ARHGAP17: variants seen among roughly 807,000 people sequenced by gnomAD.
ARHGAP17 encodes Rho GTPase activating protein 17.
In ARHGAP17, 57 loss-of-function variants were observed where a neutral mutation model predicts 99.5. The observed-to-expected ratio is 0.57, with a 90% CI of 0.46 to 0.71. ARHGAP17 has a LOEUF of 0.71. Among genes scored for constraint, ARHGAP17 ranks in the 30% least tolerant of loss-of-function variants. ARHGAP17 has a pLI of 0.00. For missense variants in ARHGAP17, 1,000 were observed against 1,122.4 expected (o/e 0.89, Z 1.56); for synonymous variants, 417 against 429.6 (o/e 0.97, Z 0.36).
intron 18 of ARHGAP17, among the ~76,000 whole-genome samples, chr16:24,933,747 G>C (rs1435091001): frequency 6.6e-6 from 1 of 152,114 alleles, no homozygotes; most frequent in Non-Finnish European, 1.5e-5. Flanking sequence ...CAAAGTGTCA[G>C]GGGGAGGGGG....
intron 18 of ARHGAP17, among the ~76,000 whole-genome samples, chr16:24,934,088 G>A (rs2051069709): frequency 6.6e-6 from 1 of 152,184 alleles, no homozygotes; most frequent in Non-Finnish European, 1.5e-5. Context: ...ATGATTTGTA[G>A]AAATTCCACT....
At position 24,996,115 on chromosome 16, in the gene ARHGAP17, G is replaced by T. The variant is rs190317615; in HGVS notation, c.54-17110C>A. ...ACATTTCAGTGAATTTTATTTTTTT[G>T]GGGGGGGAGGGAAATAAATATGTCT... On this transcript the variant is annotated intron_variant, in intron 1 of 19. Transcript: ENST00000289968. Among the ~76,000 whole-genome samples, 854 of 151,374 alleles carry T rather than the reference G, an allele frequency of 5.6e-3. 9 individuals carry two copies. Among genetic ancestry groups the T allele is most frequent in the African/African-American group, 0.019 (792 of 41,208 alleles).
chr16:24,958,946 A>C (rs2051894528), intron 9 of ARHGAP17, among the ~76,000 whole-genome samples: 1 of 152,140 alleles, frequency 6.6e-6, no homozygotes. Flanking sequence ...AGCTGTGCTC[A>C]TCTCTGCTGG....
At chr16:24,969,657 T>C (rs985382943) in intron 4 of ARHGAP17, among the ~76,000 whole-genome samples, 7 of 152,232 alleles carry the variant, frequency 4.6e-5, no homozygotes, top group Non-Finnish European at 8.8e-5. Context: ...TAGCACGCAG[T>C]ATCACTCTGG....
chr16:24,958,172 T>C (rs1271486328), intron 9 of ARHGAP17, among the ~76,000 whole-genome samples: 3 of 152,116 alleles, frequency 2.0e-5, no homozygotes. Context: ...GAAAATACCC[T>C]TGGGAAAAAA....
intron 1 of ARHGAP17, among the ~76,000 whole-genome samples, chr16:24,979,535 C>A (rs2052613525): frequency 6.6e-6 from 1 of 152,124 alleles, no homozygotes; most frequent in Non-Finnish European, 1.5e-5. Flanking sequence ...AATTTCCTCT[C>A]CATCCTTACT....
rs113259507 is a variant in ARHGAP17 at position 24,957,689 on chromosome 16, G to T, written c.724+1982C>A. 7.9e-5 allele frequency among the ~76,000 whole-genome samples: 12 copies of T among 152,294 alleles called. No individual in the cohort carries two copies. The East Asian group carries it at 9.6e-4, about 12-fold the overall frequency. The stretch of plus-strand genomic sequence containing the variant: ...TTTTTCCTAAACAGCAGAGGGATTG[G>T]GGGTAGACACAAGAGTGCAAAGGAT... On this transcript the variant is annotated intron_variant, in intron 9 of 19. Transcript: ENST00000289968.
intron 14 of ARHGAP17, among the ~76,000 whole-genome samples, chr16:24,944,606 A>T (rs2051414372): frequency 6.6e-6 from 1 of 151,762 alleles, no homozygotes; most frequent in East Asian, 1.9e-4. Flanking sequence ...TGTGCCTTTT[A>T]TTTTTTATTT....
At chr16:24,928,216 G>A (rs1284093396) in intron 19 of ARHGAP17, among the ~76,000 whole-genome samples, 1 of 152,172 alleles carries the variant, frequency 6.6e-6, no homozygotes, top group Non-Finnish European at 1.5e-5. Flanking sequence ...AATTCTAAAT[G>A]TTGGCCTTCT....
chr16:25,005,557 A>G (rs1285645666), intron 1 of ARHGAP17, among the ~76,000 whole-genome samples: 1 of 152,226 alleles, frequency 6.6e-6, no homozygotes, highest in Admixed American at 6.5e-5. Flanking sequence ...CTCTGTCTCC[A>G]CATTCAAGTC....
At chr16:24,954,836 G>A in intron 9 of ARHGAP17, 106 bp from the exon 10 acceptor site, 9 of 1,474,036 alleles carry the variant, frequency 6.1e-6, no homozygotes, top group Non-Finnish European at 8.3e-6. Context: ...TGGTAGGTGA[G>A]GCTGTGCAAG....
intron 19 of ARHGAP17, among the ~76,000 whole-genome samples, chr16:24,926,506 C>G (rs1414224881): frequency 6.6e-6 from 1 of 152,212 alleles, no homozygotes; most frequent in Non-Finnish European, 1.5e-5. Context: ...AAGTGATCCA[C>G]CCGCCTCAGC....
intron 1 of ARHGAP17, among the ~76,000 whole-genome samples, chr16:24,990,531 A>C (rs1244319316): frequency 6.6e-6 from 1 of 151,970 alleles, no homozygotes; most frequent in Non-Finnish European, 1.5e-5. Context: ...GGTGGTGAGC[A>C]CTTGTAGTCC....
rs1314664652 is a variant in ARHGAP17, at chr16:24,920,135, G to A, written c.2641C>T (p.Leu881=). 1.9e-6 allele frequency: 3 copies of A among 1,613,758 alleles called. No homozygotes were observed. Among genetic ancestry groups the A allele is most frequent in the African/African-American group, 2.7e-5 (2 of 74,940 alleles). The change falls in exon 20 of 20, where the codon CTG becomes TTG. Residue 881 remains leucine (L), a synonymous_variant. Transcript: ENST00000289968. ...GGGCTGGGAAAGGGCTTTCTTCACAGGGCAGTGCTCTCGGTATCATTGTCT... is the reference window on the plus strand; with the variant it reads ...GGGCTGGGAAAGGGCTTTCTTCACAAGGCAGTGCTCTCGGTATCATTGTCT... The part of the protein sequence containing the change: ...DIDNDTESTA[L]
intron 13 of ARHGAP17, 110 bp downstream of exon 13, chr16:24,949,292 TTG>T: frequency 4.1e-6 from 3 of 733,448 alleles, no homozygotes; most frequent in African/African-American, 1.8e-5. Flanking sequence ...GTGGTTTTTT[TTG>T]TTGTTGTTGT....
At chr16:24,927,719 G>A in intron 19 of ARHGAP17, 1 of 1,216,152 alleles carries the variant, frequency 8.2e-7, no homozygotes, top group Non-Finnish European at 1.1e-6. Flanking sequence ...TACTGAATAT[G>A]GCAGGTCATA....
intron 1 of ARHGAP17, 103 bp downstream of exon 1, chr16:25,015,106 C>G: frequency 2.7e-6 from 3 of 1,110,264 alleles, no homozygotes; most frequent in Non-Finnish European, 3.3e-6. Flanking sequence ...GGGCTGCGGC[C>G]CAGCTCAGAG....
At chr16:24,969,675 A>C (rs1016333183) in intron 4 of ARHGAP17, among the ~76,000 whole-genome samples, 8 of 152,220 alleles carry the variant, frequency 5.3e-5, no homozygotes, top group African/African-American at 1.9e-4. Flanking sequence ...TGGTGTGATG[A>C]GGATGGCCAT....
chr16:24,943,956 TA>T, intron 14 of ARHGAP17, 94 bp from the exon 15 acceptor site: 2 of 1,134,766 alleles, frequency 1.8e-6, no homozygotes, highest in Non-Finnish European at 1.3e-6. Context: ...TTTTAAAGGA[TA>T]AAATATTTAA....
Sources: allele counts gnomAD v4.1 joint callset (sites outside exome capture counted in the v4.1 genomes callset), GRCh38; gene constraint gnomAD v4.1.1; transcripts MANE v1.5; gene names NCBI Gene and HGNC (gene_info 2026-07-23, HGNC 2026-07-21).